KCNG3: variants seen among roughly 807,000 people sequenced by gnomAD.
The protein encoded by KCNG3 is potassium voltage-gated channel modifier subfamily G member 3.
A neutral mutation model predicts 29.0 loss-of-function variants in KCNG3; 15 were observed. The observed-to-expected ratio is 0.52, with a 90% CI of 0.35 to 0.80. The LOEUF is 0.80. Among genes scored for constraint, KCNG3 ranks in the 30% least tolerant of loss-of-function variants. KCNG3 has a pLI of 0.01. For synonymous variants in KCNG3, 322 were observed against 248.9 expected, an observed-to-expected ratio of 1.29 and a Z score of -2.76; for missense variants, 512 against 605.7, an observed-to-expected ratio of 0.85 and a Z score of 1.62.
chr2:42,488,365 T>G (rs987791082), intron 1 of KCNG3, among the ~76,000 whole-genome samples: 33 of 152,034 alleles, frequency 2.2e-4, no homozygotes, highest in African/African-American at 8.0e-4. Context: ...GATAAATAAT[T>G]GTTCCTTGAT....
At chr2:42,472,701 C>T (rs902137082) in intron 1 of KCNG3, among the ~76,000 whole-genome samples, 3 of 151,438 alleles carry the variant, frequency 2.0e-5, no homozygotes, top group East Asian at 1.9e-4. Context: ...GGTTTCACCA[C>T]GTTGCACAGG....
chr2:42,425,639 A>G, the KCNG3 span, among the ~76,000 whole-genome samples: 4 of 152,130 alleles, frequency 2.6e-5, no homozygotes, highest in Non-Finnish European at 4.4e-5. Context: ...TCAACTCAAC[A>G]TGTACTACGT....
At chr2:42,439,767 C>T (rs1672435786), downstream of KCNG3, among the ~76,000 whole-genome samples, 1 of 151,804 alleles carries the variant, frequency 6.6e-6, no homozygotes, top group South Asian at 2.1e-4. Context: ...CTGCCTCAGC[C>T]TCCCAAGTAG....
intron 1 of KCNG3, among the ~76,000 whole-genome samples, chr2:42,473,192 G>A (rs535717783): frequency 3.9e-5 from 6 of 151,978 alleles, no homozygotes; most frequent in South Asian, 2.1e-4. Context: ...CACCGCGTCC[G>A]GCCCTCAACA....
downstream of KCNG3, among the ~76,000 whole-genome samples, chr2:42,441,693 A>C: frequency 3.4e-5 from 1 of 29,848 alleles, no homozygotes; most frequent in Admixed American, 3.6e-4. Context: ...GTATATTTGC[A>C]CATGTACATT....
chr2:42,467,997 T>C (rs1572853875), intron 1 of KCNG3, among the ~76,000 whole-genome samples: 3 of 147,684 alleles, frequency 2.0e-5, no homozygotes, highest in Admixed American at 1.3e-4. Context: ...GTTACTGAAA[T>C]GTTGATACCA....
chr2:42,415,704 C>T, the KCNG3 span, among the ~76,000 whole-genome samples: 3 of 152,136 alleles, frequency 2.0e-5, no homozygotes, highest in Non-Finnish European at 2.9e-5. Context: ...GCACTCCAGC[C>T]TGGGTGACAG....
At chr2:42,447,310 ATATG>A (rs1311534602) in intron 1 of KCNG3, among the ~76,000 whole-genome samples, 2 of 152,000 alleles carry the variant, frequency 1.3e-5, no homozygotes, top group Non-Finnish European at 2.9e-5. Context: ...ACACACATAT[ATATG>A]TATGTATCTC....
chr2:42,474,624 T>C (rs1330638336), intron 1 of KCNG3, among the ~76,000 whole-genome samples: 2 of 152,204 alleles, frequency 1.3e-5, no homozygotes, highest in African/African-American at 4.8e-5. Flanking sequence ...TATACTAATC[T>C]TTAACAGAAA....
At chr2:42,477,751 T>C (rs1249454734) in intron 1 of KCNG3, among the ~76,000 whole-genome samples, 5 of 151,812 alleles carry the variant, frequency 3.3e-5, no homozygotes, top group African/African-American at 1.2e-4. Flanking sequence ...TGGTAGTGCA[T>C]GTCTGTAATC....
At chr2:42,441,703 T>C (rs1002483554), downstream of KCNG3, among the ~76,000 whole-genome samples, 2 of 9,642 alleles carry the variant, frequency 2.1e-4, no homozygotes, top group African/African-American at 4.2e-4. Flanking sequence ...ACATGTACAT[T>C]ATATATATAT....
chr2:42,466,342 G>A (rs1477083413), intron 1 of KCNG3, among the ~76,000 whole-genome samples: 2 of 152,138 alleles, frequency 1.3e-5, no homozygotes, highest in East Asian at 3.8e-4. Flanking sequence ...GGAGGCGGAG[G>A]TTGCAGTGAG....
chr2:42,438,735 A>G (rs1672419006), downstream of KCNG3, among the ~76,000 whole-genome samples: 1 of 152,256 alleles, frequency 6.6e-6, no homozygotes, highest in Admixed American at 6.5e-5. Flanking sequence ...AAGTTTGGGC[A>G]TAAGTTAACC....
intron 1 of KCNG3, among the ~76,000 whole-genome samples, chr2:42,447,690 C>CT (rs1327323943): frequency 4.0e-5 from 6 of 150,286 alleles, no homozygotes; most frequent in South Asian, 2.1e-4. Flanking sequence ...AATTTTTTTT[C>CT]TTTTTTTTTC....
chr2:42,486,119 C>T (rs1463780361), intron 1 of KCNG3, among the ~76,000 whole-genome samples: 1 of 152,188 alleles, frequency 6.6e-6, no homozygotes, highest in Non-Finnish European at 1.5e-5. Flanking sequence ...AAATGGGAAG[C>T]AGATCCTGTA....
At chr2:42,483,461 C>T (rs1440595353) in intron 1 of KCNG3, among the ~76,000 whole-genome samples, 3 of 152,170 alleles carry the variant, frequency 2.0e-5, no homozygotes, top group Non-Finnish European at 4.4e-5. Flanking sequence ...AAACTAGTAT[C>T]AAACTAAGCA....
chr2:42,399,920 T>C, the KCNG3 span, among the ~76,000 whole-genome samples: 19 of 152,134 alleles, frequency 1.2e-4, no homozygotes, highest in African/African-American at 4.6e-4. Context: ...CTCTTTGAGT[T>C]CTTCAGGACA....
the KCNG3 span, among the ~76,000 whole-genome samples, chr2:42,398,260 TAAATA>T: frequency 2.4e-5 from 3 of 124,090 alleles, no homozygotes; most frequent in East Asian, 2.2e-4. Context: ...AATAAATAAA[TAAATA>T]AAATAAAATA....
intron 1 of KCNG3, among the ~76,000 whole-genome samples, chr2:42,483,581 C>G (rs374164583): frequency 1.3e-5 from 2 of 152,176 alleles, no homozygotes; most frequent in Non-Finnish European, 2.9e-5. Context: ...AGGCATAAAA[C>G]TGGGTAACAG....
Sources: gnomAD v4.1 joint callset for allele counts (sites outside exome capture counted in the v4.1 genomes callset) on GRCh38, gnomAD v4.1.1 for gene constraint, MANE v1.5 for transcripts, NCBI Gene and HGNC (gene_info 2026-07-23, HGNC 2026-07-21) for gene names.